The following OTOF variants were observed in gnomAD, a reference collection of about 807,000 sequenced individuals.
OTOF encodes fer-1-like family member 2.
Under a neutral mutation model 236.8 loss-of-function variants are expected in OTOF, and 218 were observed. The observed-to-expected ratio is 0.92, with a 90% CI of 0.82 to 1.03. The LOEUF is 1.03. Ranked by LOEUF, OTOF falls within the 50% of genes least tolerant of loss-of-function variation. OTOF has a pLI of 0.00. For synonymous variants in OTOF, 1,041 were observed against 1,072.5 expected, an observed-to-expected ratio of 0.97 and a Z score of 0.57; for missense variants, 2,590 against 2,694.4, an observed-to-expected ratio of 0.96 and a Z score of 0.86.
At chr2:26,509,320 A>T (rs879637510) in intron 5 of OTOF, among the ~76,000 whole-genome samples, 2 of 152,174 alleles carry the variant, frequency 1.3e-5, no homozygotes, top group Non-Finnish European at 2.9e-5. Flanking sequence ...CCCTGGATTC[A>T]GTTCCCTGGC....
chr2:26,524,574 A>C (rs1347325746), intron 3 of OTOF, among the ~76,000 whole-genome samples: 2 of 152,212 alleles, frequency 1.3e-5, no homozygotes, highest in Non-Finnish European at 2.9e-5. Flanking sequence ...ACTGCATGGG[A>C]GTCAATTTCC....
intron 1 of OTOF, among the ~76,000 whole-genome samples, chr2:26,556,285 T>G (rs772820850): frequency 6.6e-6 from 1 of 152,172 alleles, no homozygotes; most frequent in East Asian, 1.9e-4. Flanking sequence ...TGCTGGGAGA[T>G]GCTAAGGAAC....
chr2:26,553,373 T>C (rs551762323), intron 1 of OTOF, among the ~76,000 whole-genome samples: 73 of 152,278 alleles, frequency 4.8e-4, no homozygotes, highest in African/African-American at 1.7e-3. Flanking sequence ...TGCATCTCCA[T>C]AGGTACAAAC....
chr2:26,507,957 G>C (rs924203217), intron 5 of OTOF, among the ~76,000 whole-genome samples: 5 of 152,176 alleles, frequency 3.3e-5, no homozygotes, highest in African/African-American at 4.8e-5. Flanking sequence ...GTGCACACAG[G>C]GTCCTAGGTA....
At chr2:26,497,166 G>C (rs1038991516) in intron 8 of OTOF, among the ~76,000 whole-genome samples, 3 of 133,988 alleles carry the variant, frequency 2.2e-5, no homozygotes, top group African/African-American at 7.9e-5. Flanking sequence ...GCAGTGGCAC[G>C]ATCTAGGCTC....
chr2:26,545,126 T>G (rs1667300474), intron 1 of OTOF, among the ~76,000 whole-genome samples: 1 of 152,106 alleles, frequency 6.6e-6, no homozygotes, highest in African/African-American at 2.4e-5. Flanking sequence ...TTATCAGCAA[T>G]GTAAAAAAAA....
chr2:26,477,154 C>G lies in OTOF; in HGVS notation c.2523+18G>C, dbSNP rs1236202965. On this transcript the variant is annotated intron_variant, in intron 21 of 46. Coordinates refer to ENST00000272371, the MANE Select transcript of OTOF (RefSeq NM_194248.3). The surrounding 1 kb of genome is among the most constrained non-coding windows in gnomAD (Gnocchi z 4.7). ...GCCAGCCCTGGATGAGGCAAAGCCC[C>G]GACCCCTTGGGCCGCACCTCGTCCG... is the stretch of plus-strand genomic sequence containing the variant. 4 of 1,604,598 alleles carry G rather than the reference C, an allele frequency of 2.5e-6. No homozygotes were observed. In the African/African-American group the frequency reaches 4.0e-5, roughly 16 times the overall value.
intron 38 of OTOF, 128 bp downstream of exon 38, chr2:26,465,544 G>A (rs2148027274): frequency 1.0e-6 from 1 of 966,490 alleles, no homozygotes; most frequent in Middle Eastern, 2.8e-4. Context: ...GGACTGTAGG[G>A]GCAGAGGCCT....
intron 1 of OTOF, 67 bp from the exon 2 acceptor site, chr2:26,537,841 TC>T (rs1667111960): frequency 1.0e-5 from 12 of 1,180,260 alleles, no homozygotes; most frequent in Admixed American, 2.0e-5. Flanking sequence ...GGGTCAGACC[TC>T]CTCATCCTGG....
chr2:26,483,387 G>A (rs2148060318), intron 13 of OTOF, 75 bp downstream of exon 13: 3 of 1,376,602 alleles, frequency 2.2e-6, no homozygotes, highest in Admixed American at 1.7e-5. Flanking sequence ...AGCTGCCCCA[G>A]GCCCCACACC....
intron 3 of OTOF, among the ~76,000 whole-genome samples, chr2:26,522,380 G>T (rs1233522861): frequency 6.6e-6 from 1 of 152,170 alleles, no homozygotes; most frequent in African/African-American, 2.4e-5. Context: ...CAAAGGCCCT[G>T]GCACTGCTTC....
In OTOF at chr2:26,471,149, G is replaced by A. The variant is rs727504839; in HGVS notation, c.3866C>T (p.Thr1289Ile). ...ATCCACCTTGACAACAGCTTCAGAA[G>A]TCTGCAGAGGAACCAAGGAGACAGG... ...KLETMVKLDA[T>I]SEAVVKVDVA... The change falls in exon 31 of 47, where the codon ACT becomes ATT. Residue 1289 changes from threonine (T) to isoleucine (I), a missense_variant and splice_region_variant. By Grantham distance (89) the Thr-to-Ile change is moderately conservative (BLOSUM62 -1). Coordinates refer to ENST00000272371, the MANE Select transcript of OTOF (RefSeq NM_194248.3). 1.2e-6 allele frequency: 2 copies of A among 1,614,118 alleles called. No individual in the cohort carries two copies. The highest frequency in any genetic ancestry group is 1.3e-5 in the African/African-American group (1 of 75,058).
At chr2:26,468,287 TG>T in intron 33 of OTOF, 120 bp downstream of exon 33, 1 of 796,510 alleles carries the variant, frequency 1.3e-6, no homozygotes, top group Non-Finnish European at 2.3e-6. Flanking sequence ...GCTGCTTCCC[TG>T]GCTACTAAGG....
chr2:26,531,059 C>T (rs1666935036), intron 2 of OTOF, among the ~76,000 whole-genome samples: 1 of 152,188 alleles, frequency 6.6e-6, no homozygotes, highest in African/African-American at 2.4e-5. Flanking sequence ...GGCTCCTCTA[C>T]AGCTCCCTGA....
At chr2:26,499,257 G>A (rs7559985) in intron 8 of OTOF, among the ~76,000 whole-genome samples, 47,234 of 151,866 alleles carry the variant, frequency 0.31, 10,305 homozygotes, top group African/African-American at 0.61. Context: ...TACACGTGAC[G>A]TGCATTCTAA....
At position 26,462,183 on chromosome 2, in the gene OTOF, T is replaced by TGGGCCCAGGGAGAGAAGGCTGGTTAGC. The variant is rs1476589718; in HGVS notation, c.5193-29_5193-3dup. ...CAGATGATGACCCGCAGCTCGTACC[T>TGGGCCCAGGGAGAGAAGGCTGGTTAGC]GGGCCCAGGGAGAGAAGGCTGGTTA... On this transcript the variant is annotated splice_polypyrimidine_tract_variant and splice_region_variant and intron_variant, in intron 41 of 46. Coordinates refer to ENST00000272371, the MANE Select transcript of OTOF (RefSeq NM_194248.3). This position sits in a 1 kb window ranked among gnomAD's most constrained non-coding sequence, Gnocchi z 4.7. The TGGGCCCAGGGAGAGAAGGCTGGTTAGC allele has an allele frequency of 1.2e-6, 2 of 1,613,406 alleles. No individual in the cohort carries two copies. The highest frequency in any genetic ancestry group is 8.5e-7 in the Non-Finnish European group (1 of 1,179,626).
chr2:26,512,444 G>C (rs773259174), intron 5 of OTOF, among the ~76,000 whole-genome samples: 6 of 152,212 alleles, frequency 3.9e-5, no homozygotes, highest in Non-Finnish European at 8.8e-5. Context: ...ATGTGAGTGT[G>C]GTCAGGGCCG....
At chr2:26,467,045 G>C (rs58540417) in intron 35 of OTOF, 54 bp downstream of exon 35, 204 of 1,427,586 alleles carry the variant, frequency 1.4e-4, no homozygotes, top group East Asian at 8.8e-4. Context: ...GGGAACCTGT[G>C]GGGGGGGCAA....
chr2:26,485,834 T>A (rs1558493326), intron 11 of OTOF, among the ~76,000 whole-genome samples: 1 of 152,044 alleles, frequency 6.6e-6, no homozygotes, highest in African/African-American at 2.4e-5. Context: ...AATGCCACAG[T>A]AGAGTCTGAA....
Sources: gnomAD v4.1 joint callset for allele counts (sites outside exome capture counted in the v4.1 genomes callset) on GRCh38, gnomAD v4.1.1 for gene constraint, Gnocchi (gnomAD v3.1) non-coding constraint, MANE v1.5 for transcripts, NCBI Gene and HGNC (gene_info 2026-07-23, HGNC 2026-07-21) for gene names.